Variants in GFM1 observed in about 807,000 individuals in gnomAD.
GFM1 encodes elongation factor G, mitochondrial.
Under a neutral mutation model 96.2 loss-of-function variants are expected in GFM1, and 62 were observed. The ratio of observed to expected loss-of-function variants is 0.64; its 90% confidence interval spans 0.53 to 0.80. The LOEUF is 0.80. Ranked by LOEUF, GFM1 falls within the 30% of genes least tolerant of loss-of-function variation. The pLI is 0.00. For missense variants in GFM1, 852 were observed against 916.6 expected (o/e 0.93, Z 0.91); for synonymous variants, 282 against 312.9 (o/e 0.90, Z 1.04).
rs866049240 is a variant in GFM1, at chr3:158,695,111, C to T, written c.*3644C>T. Among the ~76,000 whole-genome samples, 1 of 152,198 alleles carries T rather than the reference C, an allele frequency of 6.6e-6. No homozygotes were observed. The highest frequency in any genetic ancestry group is 2.4e-5 in the African/African-American group (1 of 41,460). On this transcript the variant is annotated 3_prime_UTR_variant, in exon 18 of 18. Transcript: ENST00000486715. ...TTCTGAGGCCGGATGTGGTGGCTCA[C>T]GCCTGTAATTCCAGCACTTTGGGAG...
intron 10 of GFM1, among the ~76,000 whole-genome samples, chr3:158,661,657 T>A (rs1257675901): frequency 2.0e-5 from 3 of 152,202 alleles, no homozygotes; most frequent in Non-Finnish European, 4.4e-5. Context: ...GCAAACTCTC[T>A]TACATTATGA....
intron 7 of GFM1, 35 bp from the exon 8 acceptor site, chr3:158,654,506 ATATATT>A: frequency 8.5e-7 from 1 of 1,176,830 alleles, no homozygotes; most frequent in Non-Finnish European, 1.3e-6. Context: ...AAGAAATATC[ATATATT>A]ACATCTCATA....
intron 5 of GFM1, among the ~76,000 whole-genome samples, chr3:158,651,824 ATT>A (rs61079797): frequency 1.8e-4 from 27 of 150,986 alleles, no homozygotes; most frequent in Non-Finnish European, 3.8e-4. Context: ...AAAACCAGAG[ATT>A]TTTTTTTTCT....
At chr3:158,683,376 C>T (rs1725574246) in intron 14 of GFM1, among the ~76,000 whole-genome samples, 1 of 152,154 alleles carries the variant, frequency 6.6e-6, no homozygotes. Flanking sequence ...GTGGTAGGAG[C>T]TCCACAAGTA....
chr3:158,674,292 C>T (rs540695834), intron 13 of GFM1, among the ~76,000 whole-genome samples: 1 of 151,874 alleles, frequency 6.6e-6, no homozygotes, highest in Non-Finnish European at 1.5e-5. Flanking sequence ...ATGTTGAGTT[C>T]AGGCAATCCT....
intron 14 of GFM1, among the ~76,000 whole-genome samples, chr3:158,682,668 T>G (rs955513770): frequency 6.6e-6 from 1 of 152,192 alleles, no homozygotes; most frequent in African/African-American, 2.4e-5. Context: ...TGACATTTCC[T>G]TGGAGAAGTG....
chr3:158,644,648 G>C lies in GFM1; in HGVS notation c.14G>C (p.Gly5Ala). Residue 5 changes from glycine to alanine, a missense_variant, in exon 1 of 18, where the codon GGA (glycine) becomes GCA (alanine). Transcript: ENST00000486715. Reference protein sequence around the residue: MRLLGAAAVAALGRG... With the variant: MRLLAAAAVAALGRG... ...TCTGCGCTTGCCATGAGACTCCTGGGAGCTGCAGCCGTCGCGGCTCTGGGG... is the reference window on the plus strand; with the variant it reads ...TCTGCGCTTGCCATGAGACTCCTGGCAGCTGCAGCCGTCGCGGCTCTGGGG... The C allele has an allele frequency of 6.4e-7, 1 of 1,573,474 alleles. No homozygotes were observed.
At chr3:158,657,170 A>G (rs906137036) in intron 8 of GFM1, 2 of 152,160 alleles carry the variant, frequency 1.3e-5, no homozygotes, top group African/African-American at 4.8e-5. Flanking sequence ...CTTTAAAAAT[A>G]TTTTACAGTA....
At chr3:158,678,792 C>T (rs1319993748) in intron 13 of GFM1, among the ~76,000 whole-genome samples, 1 of 152,198 alleles carries the variant, frequency 6.6e-6, no homozygotes, top group East Asian at 1.9e-4. Context: ...GGATATAATG[C>T]TATCAAACAG....
At chr3:158,686,587 A>G (rs1020464348) in intron 15 of GFM1, among the ~76,000 whole-genome samples, 5 of 150,206 alleles carry the variant, frequency 3.3e-5, no homozygotes, top group African/African-American at 7.3e-5. Flanking sequence ...AAAAATGTAT[A>G]TGAATATTAA....
chr3:158,691,475 T>C lies in GFM1; in HGVS notation c.*8T>C. 1 of 1,613,214 alleles carries C rather than the reference T, an allele frequency of 6.2e-7. No individual in the cohort carries two copies. Among genetic ancestry groups the C allele is most frequent in the Non-Finnish European group, 8.5e-7 (1 of 1,179,594 alleles). ...GGAAAAGCCAAGAACTAACTTTGCT[T>C]ACTGTGAGTTGACTGACTCTAATTG... On this transcript the variant is annotated 3_prime_UTR_variant, in exon 18 of 18. Transcript: ENST00000486715.
intron 9 of GFM1, chr3:158,660,667 T>C (rs979012985): frequency 5.2e-5 from 30 of 579,120 alleles, no homozygotes; most frequent in Middle Eastern, 4.7e-4. Flanking sequence ...TCTATTGATA[T>C]ATGGTTTAAA....
rs915752645 is a variant in GFM1, at chr3:158,693,259, A to G, written c.*1792A>G. The G allele has an allele frequency of 6.6e-6, 1 of 152,210 alleles. No homozygotes were observed. The highest frequency in any genetic ancestry group is 1.5e-5 in the Non-Finnish European group (1 of 68,034). 9.4% of individuals were successfully genotyped at this position (152,210 alleles called of 1,614,324 possible). ...CTCAGCATCTTGTGACATTCACAAT[A>G]ACTTTGAATATTGTTCCTAATGAGG... is the stretch of plus-strand genomic sequence containing the variant. On this transcript the variant is annotated 3_prime_UTR_variant, in exon 18 of 18. Transcript: ENST00000486715.
In GFM1 at chr3:158,660,876, T is replaced by A. The variant is rs1185599891; in HGVS notation, c.1224T>A (p.Asp408Glu). The change falls in exon 10 of 18, where the codon GAT (aspartate) becomes GAA (glutamate). Residue 408 changes from aspartate to glutamate, a missense_variant and splice_region_variant. Coordinates refer to ENST00000486715, the MANE Select transcript of GFM1 (RefSeq NM_024996.7). Reference protein sequence around the residue: ...LARMHADMMEDVEEVYAGDIC... With the variant: ...LARMHADMMEEVEEVYAGDIC... Reference sequence around the variant, plus strand: ...TTTTGTGTTATTTGTTTTTTTAGGATGTTGAGGAAGTATATGCCGGAGACA... The same window carrying A: ...TTTTGTGTTATTTGTTTTTTTAGGAAGTTGAGGAAGTATATGCCGGAGACA... 1 of 1,612,380 alleles carries A rather than the reference T, an allele frequency of 6.2e-7. No homozygotes were observed. Among genetic ancestry groups the A allele is most frequent in the Non-Finnish European group, 8.5e-7 (1 of 1,178,436 alleles).
intron 4 of GFM1, among the ~76,000 whole-genome samples, chr3:158,648,389 T>A (rs947669135): frequency 3.3e-5 from 5 of 152,132 alleles, no homozygotes; most frequent in African/African-American, 1.2e-4. Flanking sequence ...TATTCAGTTT[T>A]GAGCCTGGGC....
intron 9 of GFM1, among the ~76,000 whole-genome samples, chr3:158,659,961 T>C (rs1376725794): frequency 6.6e-6 from 1 of 152,158 alleles, no homozygotes; most frequent in Non-Finnish European, 1.5e-5. Flanking sequence ...AAGAAAGACA[T>C]GCTTACTCAC....
rs769090575 is a variant in GFM1, at chr3:158,646,916, T to C, written c.541T>C (p.Ser181Pro). 1 of 1,614,056 alleles carries C rather than the reference T, an allele frequency of 6.2e-7. No homozygotes were observed. Among genetic ancestry groups the C allele is most frequent in the Non-Finnish European group, 8.5e-7 (1 of 1,179,998 alleles). Residue 181 changes from serine (S) to proline (P), a missense_variant, in exon 4 of 18, where the codon TCC becomes CCC. Coordinates refer to ENST00000486715, the MANE Select transcript of GFM1 (RefSeq NM_024996.7). ...TFINKLDRMG[S>P]NPARALQQMR... ...TATTAACAAATTGGACCGAATGGGC[T>C]CCAACCCAGCCAGGGCCCTGCAGCA...
chr3:158,695,478 T>G lies in GFM1; in HGVS notation c.*4011T>G, dbSNP rs1219695579. On this transcript the variant is annotated 3_prime_UTR_variant, in exon 18 of 18. Transcript: ENST00000486715. ...TAACTTTTTGGGTTTTGTAAATTAA[T>G]AAATTAGGTAATTGTGTTTGTATAT... The G allele has an allele frequency of 1.3e-5, 2 of 152,250 alleles. No individual in the cohort carries two copies. The allele number at this position is 152,250 out of a possible 1,614,324, so 9.4% of individuals were successfully genotyped here. A position where few individuals can be genotyped will look rare whatever the true frequency, so the allele number is the denominator to read the frequency against.
intron 4 of GFM1, among the ~76,000 whole-genome samples, chr3:158,648,299 G>C (rs1721997915): frequency 6.6e-6 from 1 of 152,082 alleles, no homozygotes; most frequent in Non-Finnish European, 1.5e-5. Flanking sequence ...TTATAGATGG[G>C]AGTCTAGAGT....
Sources: gnomAD v4.1 joint callset for allele counts (sites outside exome capture counted in the v4.1 genomes callset) on GRCh38, gnomAD v4.1.1 for gene constraint, MANE v1.5 for transcripts, NCBI Gene and HGNC (gene_info 2026-07-23, HGNC 2026-07-21) for gene names.